Variants in RUNX1T1 observed in about 807,000 individuals in gnomAD.
RUNX1T1 encodes protein CBFA2T1.
In RUNX1T1, 4 loss-of-function variants were observed where a neutral mutation model predicts 62.8. The ratio of observed to expected loss-of-function variants is 0.06; its 90% CI spans 0.03 to 0.15. RUNX1T1 has a LOEUF of 0.15. Ranked by LOEUF, RUNX1T1 falls within the 10% of genes least tolerant of loss-of-function variation. The pLI is 1.00. For missense variants in RUNX1T1, 508 were observed against 754.3 expected (o/e 0.67, Z 3.82); for synonymous variants, 291 against 286.0 (o/e 1.02, Z -0.18).
chr8:91,962,987 A>C (rs1810836195), intron 10 of RUNX1T1, among the ~76,000 whole-genome samples: 1 of 152,240 alleles, frequency 6.6e-6, no homozygotes, highest in South Asian at 2.1e-4. Flanking sequence ...CTGATTAAAC[A>C]CACAGACTAA....
chr8:91,993,443 T>C (rs769135555), intron 5 of RUNX1T1, among the ~76,000 whole-genome samples: 20 of 152,100 alleles, frequency 1.3e-4, no homozygotes, highest in Non-Finnish European at 2.8e-4. Context: ...ACATGCCCAC[T>C]ACATACTAAG....
chr8:92,044,493 G>C (rs1350811528), intron 1 of RUNX1T1, among the ~76,000 whole-genome samples: 1 of 152,212 alleles, frequency 6.6e-6, no homozygotes. Context: ...CTATCCAAGA[G>C]ATGGCAAAAA....
intron 1 of RUNX1T1, among the ~76,000 whole-genome samples, chr8:92,082,416 G>A (rs1356458617): frequency 1.3e-5 from 2 of 152,124 alleles, no homozygotes; most frequent in African/African-American, 4.8e-5. Context: ...CCCGTCATGT[G>A]CACAGGGTCA....
chr8:92,003,408 A>G (rs1335720377), intron 5 of RUNX1T1: 2 of 456,066 alleles, frequency 4.4e-6, no homozygotes, highest in Admixed American at 4.7e-5. Flanking sequence ...TGAATGAAAC[A>G]GATTTTCATA....
intron 1 of RUNX1T1, among the ~76,000 whole-genome samples, chr8:92,090,514 C>G (rs1164316306): frequency 1.3e-5 from 2 of 151,962 alleles, no homozygotes; most frequent in Non-Finnish European, 2.9e-5. Flanking sequence ...GATGCAGGAA[C>G]AGAATTTGGT....
chr8:91,959,550 C>T (rs549233909), exon 11 of RUNX1T1: 1 of 192,268 alleles, frequency 5.2e-6, no homozygotes, highest in African/African-American at 2.4e-5. Context: ...TTTTTTCTTG[C>T]TGCTGTATTC....
At chr8:92,058,710 T>C (rs911713407) in intron 1 of RUNX1T1, among the ~76,000 whole-genome samples, 1 of 152,200 alleles carries the variant, frequency 6.6e-6, no homozygotes, top group African/African-American at 2.4e-5. Context: ...TATATATCTG[T>C]TCCCCTGATG....
At chr8:92,102,922 C>A, upstream of RUNX1T1, 2 of 1,510,648 alleles carry the variant, frequency 1.3e-6, no homozygotes, top group Non-Finnish European at 1.8e-6. This position sits in a 1 kb window ranked among gnomAD's most constrained non-coding sequence, Gnocchi z 4.5. Flanking sequence ...AACTTCCCGT[C>A]GTCTCGGCCG....
chr8:92,080,239 C>A (rs939897773), intron 1 of RUNX1T1, among the ~76,000 whole-genome samples: 1 of 152,100 alleles, frequency 6.6e-6, no homozygotes, highest in Admixed American at 6.5e-5. Flanking sequence ...CCACAAAAGC[C>A]CAATTCAATC....
At chr8:92,084,951 T>C (rs1256224571) in intron 1 of RUNX1T1, among the ~76,000 whole-genome samples, 4 of 152,220 alleles carry the variant, frequency 2.6e-5, no homozygotes, top group Non-Finnish European at 5.9e-5. Flanking sequence ...TACTGGGGTT[T>C]AGAGAAGGAA....
intron 1 of RUNX1T1, among the ~76,000 whole-genome samples, chr8:92,060,735 G>A (rs1024786308): frequency 2.0e-5 from 3 of 151,572 alleles, no homozygotes; most frequent in Admixed American, 6.6e-5. Context: ...TATATATATG[G>A]ACTAAAATAA....
At chr8:92,082,990 A>G (rs1397256313) in intron 1 of RUNX1T1, among the ~76,000 whole-genome samples, 1 of 152,198 alleles carries the variant, frequency 6.6e-6, no homozygotes, top group Non-Finnish European at 1.5e-5. Flanking sequence ...AGCCACTACA[A>G]TGGTTTTCAG....
intron 5 of RUNX1T1, among the ~76,000 whole-genome samples, chr8:91,996,007 T>C (rs935327861): frequency 6.6e-6 from 1 of 152,178 alleles, no homozygotes; most frequent in East Asian, 1.9e-4. Context: ...ATTTGCTCGG[T>C]TGAACTCCAT....
chr8:92,016,610 G>A (rs548467416), intron 2 of RUNX1T1, among the ~76,000 whole-genome samples: 2 of 152,226 alleles, frequency 1.3e-5, no homozygotes, highest in South Asian at 4.2e-4. Flanking sequence ...GGGAGGCAGA[G>A]GTTGCAGTGA....
At chr8:92,063,453 C>A (rs1338307304), upstream of RUNX1T1, 1 of 152,166 alleles carries the variant, frequency 6.6e-6, no homozygotes, top group Non-Finnish European at 1.5e-5. Flanking sequence ...ATCATGTCCT[C>A]CTGATTCCTG....
intron 6 of RUNX1T1, among the ~76,000 whole-genome samples, 191 bp from the exon 8 acceptor site, chr8:91,987,163 T>G (rs1001742724): frequency 1.3e-5 from 2 of 152,172 alleles, no homozygotes; most frequent in African/African-American, 4.8e-5. Flanking sequence ...ATACTAGAAC[T>G]AGAAGGAATT....
intron 1 of RUNX1T1, among the ~76,000 whole-genome samples, chr8:92,086,994 T>G (rs1241397436): frequency 6.6e-6 from 1 of 152,224 alleles, no homozygotes; most frequent in African/African-American, 2.4e-5. Flanking sequence ...CAGGGTTTCC[T>G]TTTGCCTAGC....
At chr8:92,005,132 T>C in exon 5 of RUNX1T1, 1 of 1,611,086 alleles carries the variant, frequency 6.2e-7, no homozygotes, top group Non-Finnish European at 8.5e-7. Flanking sequence ...GGAGTTCGCC[T>C]CTTCCCGTTT....
At chr8:91,984,428 G>A (rs1816107457) in intron 8 of RUNX1T1, among the ~76,000 whole-genome samples, 1 of 152,244 alleles carries the variant, frequency 6.6e-6, no homozygotes, top group South Asian at 2.1e-4. Context: ...ACTGAATTGA[G>A]GTAGCTATCC....
Sources: gnomAD v4.1 joint callset for allele counts (sites outside exome capture counted in the v4.1 genomes callset) on GRCh38, gnomAD v4.1.1 for gene constraint, Gnocchi (gnomAD v3.1) non-coding constraint, MANE v1.5 for transcripts, NCBI Gene and HGNC (gene_info 2026-07-23, HGNC 2026-07-21) for gene names.